EYS: variants seen among roughly 807,000 people sequenced by gnomAD.
The protein encoded by EYS is protein eyes shut homolog.
A neutral mutation model predicts 282.1 loss-of-function variants in EYS; 250 were observed. The observed-to-expected ratio is 0.89, with a 90% confidence interval of 0.80 to 0.98. The LOEUF is 0.98. Ranked by LOEUF, EYS falls within the 50% of genes least tolerant of loss-of-function variation. The pLI is 0.00. For synonymous variants in EYS, 1,355 were observed against 1,282.9 expected (o/e 1.06, Z -1.20); for missense variants, 4,016 against 3,709.0 (o/e 1.08, Z -2.15).
chr6:65,353,527 T>A lies in EYS; in HGVS notation c.1390A>T (p.Thr464Ser). 6.2e-7 allele frequency: 1 copy of A among 1,613,036 alleles called. No homozygotes were observed. The highest frequency in any genetic ancestry group is 1.7e-5 in the Admixed American group (1 of 59,962). ...TTATCTTGGCAAATACCATGGAAGG[T>A]GACTCCACAGTAGCAGAGGTGTTGA... ...IHQHLCYCGV[T>S]FHGICQDKGP... The change falls in exon 9 of 43, where the codon ACC becomes TCC. Residue 464 changes from threonine to serine, a missense_variant. By Grantham distance (58) the Thr-to-Ser change is moderately conservative. Transcript: ENST00000503581.
At chr6:63,954,671 T>G (rs1168649383) in intron 35 of EYS, among the ~76,000 whole-genome samples, 1 of 152,098 alleles carries the variant, frequency 6.6e-6, no homozygotes, top group Non-Finnish European at 1.5e-5. Context: ...CCAACTTCTA[T>G]TCCTCACGGC....
chr6:65,313,359 T>G (rs1347018795), intron 11 of EYS, among the ~76,000 whole-genome samples: 2 of 151,736 alleles, frequency 1.3e-5, no homozygotes, highest in African/African-American at 2.4e-5. Flanking sequence ...CATGCGTGAT[T>G]AACACATGCT....
chr6:65,349,254 A>G (rs1485628209), intron 9 of EYS, among the ~76,000 whole-genome samples: 3 of 151,614 alleles, frequency 2.0e-5, no homozygotes, highest in Admixed American at 6.6e-5. Flanking sequence ...TATGTAATCT[A>G]ATTTAATATA....
At chr6:63,924,099 GGGA>G (rs1764648138) in intron 35 of EYS, among the ~76,000 whole-genome samples, 1 of 151,816 alleles carries the variant, frequency 6.6e-6, no homozygotes, top group Admixed American at 6.6e-5. Context: ...ATTCAGTGAT[GGGA>G]AGGAAATTTA....
In EYS at chr6:65,043,795, T is replaced by A. The variant is rs73765730; in HGVS notation, c.2137+13819A>T. ...TATCCATTCTTCCATTGACAGACAC[T>A]TAGGTTGATTCCATCTCCTGACTAT... On this transcript the variant is annotated intron_variant, in intron 13 of 42. Transcript: ENST00000503581. Among the ~76,000 whole-genome samples, 1,124 of 151,640 alleles carry A rather than the reference T, an allele frequency of 7.4e-3. 21 individuals are homozygous for A. The highest frequency in any genetic ancestry group is 0.025 in the African/African-American group (1,019 of 41,456).
At chr6:64,825,597 A>T (rs1765030685) in intron 19 of EYS, among the ~76,000 whole-genome samples, 1 of 151,904 alleles carries the variant, frequency 6.6e-6, no homozygotes, top group South Asian at 2.1e-4. Flanking sequence ...GGAAACTGTT[A>T]GTCCTTGCGA....
intron 5 of EYS, among the ~76,000 whole-genome samples, chr6:65,483,845 G>T (rs1438104313): frequency 1.3e-5 from 2 of 152,130 alleles, no homozygotes; most frequent in Non-Finnish European, 1.5e-5. Context: ...ATCTTACATG[G>T]ATGGCAGCAA....
chr6:64,143,049 T>C (rs1358150352), intron 31 of EYS, among the ~76,000 whole-genome samples: 1 of 152,130 alleles, frequency 6.6e-6, no homozygotes, highest in Non-Finnish European at 1.5e-5. Flanking sequence ...CGCATATCAC[T>C]AAATGAAAGA....
chr6:65,060,549 T>C (rs535410125), intron 12 of EYS, among the ~76,000 whole-genome samples: 45 of 151,976 alleles, frequency 3.0e-4, no homozygotes, highest in Middle Eastern at 3.4e-3. Flanking sequence ...TCCTTCCCTG[T>C]TTCTTGTTCA....
intron 26 of EYS, among the ~76,000 whole-genome samples, chr6:64,580,642 A>G (rs1346669703): frequency 6.6e-6 from 1 of 152,212 alleles, no homozygotes; most frequent in African/African-American, 2.4e-5. Flanking sequence ...CTCATAAAAA[A>G]GAATAACTCT....
Position 65,344,181 on chromosome 6 carries a change from T to TAA in EYS, c.1460-6_1460-5dup. ...TGGCACTTTTCGCCTTCAGATCCTT[T>TAA]AAAAAAAAAGAGATAAAAAATTAAA... On this transcript the variant is annotated splice_polypyrimidine_tract_variant and splice_region_variant and intron_variant, in intron 9 of 42. Coordinates refer to ENST00000503581, the MANE Select transcript of EYS (RefSeq NM_001142800.2). 1 of 1,567,796 alleles carries TAA rather than the reference T, an allele frequency of 6.4e-7. No homozygotes were observed. The highest frequency in any genetic ancestry group is 8.8e-7 in the Non-Finnish European group (1 of 1,142,640).
chr6:64,389,408 C>G (rs566414479), intron 28 of EYS, among the ~76,000 whole-genome samples: 13 of 152,250 alleles, frequency 8.5e-5, no homozygotes, highest in African/African-American at 3.1e-4. Context: ...AGACAAAATA[C>G]TTTGTCAATA....
chr6:63,913,625 TA>T (rs1309787823), intron 35 of EYS, among the ~76,000 whole-genome samples: 1 of 152,260 alleles, frequency 6.6e-6, no homozygotes, highest in Non-Finnish European at 1.5e-5. Context: ...GTATTATTTT[TA>T]AAGGTTCATT....
At chr6:65,362,072 A>C (rs1764732972) in intron 8 of EYS, among the ~76,000 whole-genome samples, 1 of 152,098 alleles carries the variant, frequency 6.6e-6, no homozygotes. Context: ...ATTTCCTTTT[A>C]AAGATTTCTT....
intron 5 of EYS, among the ~76,000 whole-genome samples, chr6:65,441,933 C>T (rs1020480077): frequency 3.3e-5 from 5 of 151,956 alleles, no homozygotes; most frequent in African/African-American, 1.2e-4. Context: ...AATTTGCTTG[C>T]TTGAAAAACT....
rs34115050 is a variant in EYS at position 64,928,712 on chromosome 6, AT to A, written c.2382-15970del. 2.2e-3 allele frequency among the ~76,000 whole-genome samples: 335 copies of A among 151,360 alleles called. 4 individuals carry two copies. The highest frequency in any genetic ancestry group is 3.1e-3 in the African/African-American group (128 of 41,258). Reference sequence around the variant, plus strand: ...TAGATATAGTACTTTTTAAAAGTCCATTTTTTTTTAATTTTAGTTTATTTTT... The same window carrying A: ...TAGATATAGTACTTTTTAAAAGTCCATTTTTTTTAATTTTAGTTTATTTTT... On this transcript the variant is annotated intron_variant, in intron 15 of 42. Coordinates refer to ENST00000503581, the MANE Select transcript of EYS (RefSeq NM_001142800.2).
chr6:63,829,424 C>T (rs183137669), intron 36 of EYS, among the ~76,000 whole-genome samples: 1 of 152,174 alleles, frequency 6.6e-6, no homozygotes, highest in African/African-American at 2.4e-5. Context: ...TATCCCACAC[C>T]TGGATTGGAG....
Position 63,777,994 on chromosome 6 carries a change from C to G in EYS, c.7898+12G>C, listed in dbSNP as rs557020239. Reference sequence around the variant, plus strand: ...AACCTGCTACTTTCATTCCTAATAACGTCATACTTACTAAACACTAGTTCC... The same window carrying G: ...AACCTGCTACTTTCATTCCTAATAAGGTCATACTTACTAAACACTAGTTCC... On this transcript the variant is annotated intron_variant, in intron 40 of 42. Transcript: ENST00000503581. 2 of 1,550,990 alleles carry G rather than the reference C, an allele frequency of 1.3e-6. No homozygotes were observed. Among genetic ancestry groups the G allele is most frequent in the Non-Finnish European group, 1.7e-6 (2 of 1,146,376 alleles).
At chr6:65,008,681 G>A (rs185550864) in intron 13 of EYS, among the ~76,000 whole-genome samples, 162 of 152,270 alleles carry the variant, frequency 1.1e-3, no homozygotes, top group Middle Eastern at 3.4e-3. Flanking sequence ...CTGCCCCAAG[G>A]GACGAAGGTC....
Sources: allele counts gnomAD v4.1 joint callset (sites outside exome capture counted in the v4.1 genomes callset), GRCh38; gene constraint gnomAD v4.1.1; transcripts MANE v1.5; gene names NCBI Gene and HGNC (gene_info 2026-07-23, HGNC 2026-07-21).